Variants in KAZN observed in about 807,000 individuals in gnomAD.
KAZN encodes the protein kazrin, periplakin interacting protein.
Under a neutral mutation model 87.4 loss-of-function variants are expected in KAZN, and 40 were observed. The ratio of observed to expected loss-of-function variants is 0.46; its 90% confidence interval spans 0.36 to 0.60. KAZN has a LOEUF of 0.60. KAZN is among the 20% of genes least tolerant of loss of function. The probability of loss-of-function intolerance (pLI) is 0.00; values close to 1 mark genes in which losing one functional copy is unlikely to be tolerated. For missense variants in KAZN, 898 were observed against 1,073.9 expected, an observed-to-expected ratio of 0.84 and a Z score of 2.29; for synonymous variants, 466 against 458.3, an observed-to-expected ratio of 1.02 and a Z score of -0.22.
At chr1:14,907,852 C>T (rs778888822) in intron 1 of KAZN, among the ~76,000 whole-genome samples, 5 of 152,092 alleles carry the variant, frequency 3.3e-5, no homozygotes, top group Non-Finnish European at 5.9e-5. Context: ...TGGAAGGGCA[C>T]CCCTCCTCCA....
intron 2 of KAZN, among the ~76,000 whole-genome samples, chr1:14,191,166 T>A (rs996846136): frequency 1.3e-5 from 2 of 152,186 alleles, no homozygotes; most frequent in African/African-American, 4.8e-5. Context: ...AGCAAAGGGA[T>A]GTTATGGTTA....
At chr1:14,223,739 GA>G (rs1647164704) in intron 2 of KAZN, among the ~76,000 whole-genome samples, 1 of 152,146 alleles carries the variant, frequency 6.6e-6, no homozygotes. Flanking sequence ...AAACTGATAC[GA>G]AAGGAGAAAC....
chr1:14,818,586 G>A (rs559297723), intron 1 of KAZN, among the ~76,000 whole-genome samples: 39 of 152,356 alleles, frequency 2.6e-4, no homozygotes, highest in African/African-American at 8.2e-4. Context: ...GCAACAGCAC[G>A]GGTTTTTGGA....
At chr1:14,146,764 T>C (rs1474378603) in intron 1 of KAZN, among the ~76,000 whole-genome samples, 3 of 151,990 alleles carry the variant, frequency 2.0e-5, no homozygotes, top group Non-Finnish European at 4.4e-5. Flanking sequence ...TTTGCTTCTT[T>C]TCTGGTAACC....
chr1:14,574,723 A>G (rs1205263986), intron 2 of KAZN, among the ~76,000 whole-genome samples: 1 of 152,174 alleles, frequency 6.6e-6, no homozygotes, highest in Non-Finnish European at 1.5e-5. Context: ...GCTGTTGGCC[A>G]AGCTGAATGC....
At chr1:14,079,217 A>G (rs1643581074) in intron 1 of KAZN, among the ~76,000 whole-genome samples, 1 of 152,236 alleles carries the variant, frequency 6.6e-6, no homozygotes, top group Non-Finnish European at 1.5e-5. Flanking sequence ...GAGAGGGAGC[A>G]AGAGAGAGCA....
At chr1:15,000,236 T>G (rs1200786401) in intron 2 of KAZN, among the ~76,000 whole-genome samples, 1 of 149,760 alleles carries the variant, frequency 6.7e-6, no homozygotes, top group African/African-American at 2.6e-5. Flanking sequence ...AGCCATGGGA[T>G]GCAGGCGGCC....
chr1:14,547,160 A>G (rs1489247290), intron 2 of KAZN, among the ~76,000 whole-genome samples: 2 of 152,178 alleles, frequency 1.3e-5, no homozygotes, highest in South Asian at 2.1e-4. Flanking sequence ...GTCTCTCCCA[A>G]TGTTACCAAA....
intron 2 of KAZN, among the ~76,000 whole-genome samples, chr1:14,395,998 T>A (rs1174785970): frequency 2.8e-4 from 43 of 151,358 alleles, no homozygotes; most frequent in Non-Finnish European, 1.3e-4. Context: ...AAAACCCCCA[T>A]CTCTACAAAA....
chr1:13,893,812 C>T (rs1638928041), intron 1 of KAZN: 4 of 1,539,590 alleles, frequency 2.6e-6, no homozygotes, highest in Non-Finnish European at 3.5e-6. Context: ...AGCGTTATCC[C>T]GGGTCCCCAA....
At chr1:14,894,803 G>A (rs1209516272) in intron 1 of KAZN, among the ~76,000 whole-genome samples, 2 of 152,242 alleles carry the variant, frequency 1.3e-5, no homozygotes, top group Non-Finnish European at 2.9e-5. Flanking sequence ...GAGATTCTGT[G>A]CTATCACACC....
At position 14,998,002 on chromosome 1, in the gene KAZN, T is replaced by C. The variant is rs74060147; in HGVS notation, c.419-36747T>C. On this transcript the variant is annotated intron_variant, in intron 2 of 14. Transcript: ENST00000376030. Reference sequence around the variant, plus strand: ...TAAGCACTCAACGAGTCACTGTCGTTATTGAGCCTGGTTTTAATCGTGTTT... The same window carrying C: ...TAAGCACTCAACGAGTCACTGTCGTCATTGAGCCTGGTTTTAATCGTGTTT... 6.1e-4 allele frequency among the ~76,000 whole-genome samples: 93 copies of C among 152,206 alleles called. 1 individual carries two copies. Among genetic ancestry groups the C allele is most frequent in the African/African-American group, 2.2e-3 (93 of 41,534 alleles).
chr1:13,966,509 C>A (rs1371164095), intron 1 of KAZN, among the ~76,000 whole-genome samples: 1 of 152,172 alleles, frequency 6.6e-6, no homozygotes, highest in Non-Finnish European at 1.5e-5. Flanking sequence ...GACAGGGTCA[C>A]TGACAAGGAA....
intron 1 of KAZN, among the ~76,000 whole-genome samples, chr1:14,026,946 GGA>G (rs1388711862): frequency 6.6e-6 from 1 of 152,078 alleles, no homozygotes; most frequent in Non-Finnish European, 1.5e-5. Flanking sequence ...CAGGGCTGGA[GGA>G]GAGACAGGTG....
At chr1:14,120,148 T>C (rs1000769246) in intron 1 of KAZN, among the ~76,000 whole-genome samples, 1 of 152,226 alleles carries the variant, frequency 6.6e-6, no homozygotes, top group African/African-American at 2.4e-5. Flanking sequence ...GGCTCATGGT[T>C]CTGCAGGCTG....
chr1:14,524,091 G>A (rs567784443), intron 2 of KAZN, among the ~76,000 whole-genome samples: 35 of 151,958 alleles, frequency 2.3e-4, no homozygotes, highest in African/African-American at 6.0e-4. Flanking sequence ...GTGTGAGCTC[G>A]GCTCACTGCA....
chr1:13,955,884 C>G (rs1384389948), intron 1 of KAZN, among the ~76,000 whole-genome samples: 1 of 152,140 alleles, frequency 6.6e-6, no homozygotes, highest in African/African-American at 2.4e-5. Context: ...CTGGGGTGGG[C>G]CATCTTCTCC....
intron 1 of KAZN, among the ~76,000 whole-genome samples, chr1:14,116,664 A>G (rs1644627974): frequency 1.3e-5 from 2 of 152,114 alleles, no homozygotes; most frequent in Non-Finnish European, 1.5e-5. Flanking sequence ...TGCTTAGTGG[A>G]GTTGTGAGAA....
chr1:14,697,140 C>CAA (rs1172632955), intron 1 of KAZN, among the ~76,000 whole-genome samples: 5 of 67,784 alleles, frequency 7.4e-5, no homozygotes, highest in South Asian at 4.4e-4. Flanking sequence ...AACAAACCAA[C>CAA]AAAAAAAAAA....
Sources: allele counts gnomAD v4.1 joint callset (sites outside exome capture counted in the v4.1 genomes callset), GRCh38; gene constraint gnomAD v4.1.1; transcripts MANE v1.5; gene names NCBI Gene and HGNC (gene_info 2026-07-23, HGNC 2026-07-21).